Variants in MED1 observed in about 807,000 individuals in gnomAD.
The protein encoded by MED1 is mediator of RNA polymerase II transcription subunit 1.
In MED1, 17 loss-of-function variants were observed where a neutral mutation model predicts 121.3. The observed-to-expected ratio is 0.14, with a 90% CI of 0.10 to 0.21. The LOEUF (loss-of-function observed/expected upper bound fraction) is 0.21. Ranked by LOEUF, MED1 falls within the 10% of genes least tolerant of loss-of-function variation. MED1 has a pLI of 1.00. For synonymous variants in MED1, 661 were observed against 694.4 expected (o/e 0.95, Z 0.76); for missense variants, 1,558 against 1,919.4 (o/e 0.81, Z 3.52).
chr17:39,413,734 CAAAATA>C (rs1160668348), intron 16 of MED1, among the ~76,000 whole-genome samples: 1 of 150,316 alleles, frequency 6.7e-6, no homozygotes, highest in Non-Finnish European at 1.5e-5. Context: ...ACTCTTGTCT[CAAAATA>C]AAAAAATAAA....
rs1279580044 is a variant in MED1, at chr17:39,407,849, G to C, written c.4372C>G (p.Pro1458Ala). 1 of 1,614,000 alleles carries C rather than the reference G, an allele frequency of 6.2e-7. No homozygotes were observed. The highest frequency in any genetic ancestry group is 1.3e-5 in the African/African-American group (1 of 74,892). The change falls in exon 17 of 17, where the codon CCC becomes GCC. Residue 1458 changes from proline to alanine, a missense_variant. Physicochemically the swap from Pro to Ala is conservative, Grantham distance 27. Transcript: ENST00000300651. ...TCACTTTCACTGTCCAGATTCTGGG[G>C]GGTATATGCTGGTGACTTACTATGG... is the stretch of plus-strand genomic sequence containing the variant. ...PSHSKSPAYT[P>A]QNLDSESESG...
chr17:39,430,410 G>C (rs1178883005), intron 9 of MED1, among the ~76,000 whole-genome samples: 1 of 151,776 alleles, frequency 6.6e-6, no homozygotes, highest in East Asian at 1.9e-4. Context: ...AATAAAAATT[G>C]GCCAGGCGCA....
At chr17:39,411,677 T>C (rs1243239127) in intron 16 of MED1, among the ~76,000 whole-genome samples, 1 of 151,186 alleles carries the variant, frequency 6.6e-6, no homozygotes, top group Non-Finnish European at 1.5e-5. Flanking sequence ...ATTACAGGGA[T>C]ACATAATTTA....
intron 6 of MED1, among the ~76,000 whole-genome samples, chr17:39,435,163 G>C (rs1286885347): frequency 6.6e-6 from 1 of 152,034 alleles, no homozygotes; most frequent in Non-Finnish European, 1.5e-5. Context: ...GCAAGACTGT[G>C]TGTCAAAAAA....
At chr17:39,423,916 C>G in intron 11 of MED1, 95 bp from the exon 12 acceptor site, 2 of 1,381,618 alleles carry the variant, frequency 1.4e-6, no homozygotes, top group East Asian at 5.2e-5. Flanking sequence ...GATTTTCCCT[C>G]TTAATGCCCA....
rs181835943 is a variant in MED1 at position 39,446,658 on chromosome 17, C to T, written c.132+1140G>A. The stretch of plus-strand genomic sequence containing the variant: ...GCGTGGTGGCGTGTGCCTGTAGTCC[C>T]GGCTACTCGGGAGGCTGACGCAGGG... On this transcript the variant is annotated intron_variant, in intron 2 of 16. Transcript: ENST00000300651. 1.4e-3 allele frequency among the ~76,000 whole-genome samples: 211 copies of T among 151,460 alleles called. 1 individual carries two copies. The highest frequency in any genetic ancestry group is 6.9e-3 in the Middle Eastern group (2 of 290).
intron 6 of MED1, among the ~76,000 whole-genome samples, chr17:39,438,173 A>AT (rs71147331): frequency 0.06 from 8,446 of 140,386 alleles, 631 homozygotes; most frequent in African/African-American, 0.18. Context: ...CCTCGTCTCT[A>AT]TTTTTTTTTT....
intron 10 of MED1, among the ~76,000 whole-genome samples, chr17:39,425,690 T>G (rs2048508042): frequency 6.6e-6 from 1 of 151,750 alleles, no homozygotes; most frequent in Non-Finnish European, 1.5e-5. Flanking sequence ...TAATCCCAGC[T>G]ACTCAGGAGG....
At chr17:39,442,216 G>A (rs1179789070) in intron 3 of MED1, among the ~76,000 whole-genome samples, 2 of 151,870 alleles carry the variant, frequency 1.3e-5, no homozygotes, top group Non-Finnish European at 2.9e-5. Flanking sequence ...TTATAAGCAT[G>A]AATAATCAAG....
chr17:39,431,039 TA>T, intron 9 of MED1, 75 bp downstream of exon 9: 1 of 1,330,944 alleles, frequency 7.5e-7, no homozygotes, highest in East Asian at 2.3e-5. Flanking sequence ...ACAAACAAAC[TA>T]AAGGTGAAAT....
At chr17:39,421,341 A>AG (rs1354385855) in intron 13 of MED1, among the ~76,000 whole-genome samples, 1 of 151,346 alleles carries the variant, frequency 6.6e-6, no homozygotes, top group Non-Finnish European at 1.5e-5. Flanking sequence ...CTCAAGGTCA[A>AG]GAGATAAAGA....
In MED1 at chr17:39,408,699, A is replaced by G; in HGVS notation, c.3522T>C (p.Pro1174=). Residue 1174 remains proline, a synonymous_variant, in exon 17 of 17, where the codon CCT becomes CCC. Transcript: ENST00000300651. This position sits in a 1 kb window ranked among gnomAD's most constrained non-coding sequence, Gnocchi z 4.7. ...TCATAAGTGATGATGGCTTTCCTTG[A>G]GGTTTCATCTTGGTGCTGCTAGAGC... ...SSGSSSTKMK[P]QGKPSSLMNP... is the part of the protein sequence containing the mutation. 2 of 1,614,140 alleles carry G rather than the reference A, an allele frequency of 1.2e-6. No homozygotes were observed. The highest frequency in any genetic ancestry group is 1.7e-6 in the Non-Finnish European group (2 of 1,180,006).
At position 39,448,755 on chromosome 17, in the gene MED1, C is replaced by T. The variant is rs374934446; in HGVS notation, c.26-851G>A. 3.4e-4 allele frequency among the ~76,000 whole-genome samples: 51 copies of T among 151,920 alleles called. No homozygotes were observed. In the South Asian group the frequency reaches 0.01, roughly 30 times the overall value. On this transcript the variant is annotated intron_variant, in intron 1 of 16. Coordinates refer to ENST00000300651, the MANE Select transcript of MED1 (RefSeq NM_004774.4). ...AGAAACCCCATCTCTACTAAAAATA[C>T]AAAATTAGCCGGGCTTGGTGGTACA...
intron 1 of MED1, among the ~76,000 whole-genome samples, chr17:39,450,463 G>T (rs1004086688): frequency 6.6e-6 from 1 of 152,168 alleles, no homozygotes; most frequent in Non-Finnish European, 1.5e-5. Flanking sequence ...ACAGAACTAT[G>T]CCCAAAATGC....
At chr17:39,443,247 A>G (rs1053433948) in intron 3 of MED1, among the ~76,000 whole-genome samples, 2 of 151,484 alleles carry the variant, frequency 1.3e-5, no homozygotes, top group Non-Finnish European at 2.9e-5. Context: ...TGATCCGCCC[A>G]CCTCAGCCTC....
chr17:39,425,409 G>A (rs1487422362), intron 10 of MED1, among the ~76,000 whole-genome samples: 2 of 152,106 alleles, frequency 1.3e-5, no homozygotes, highest in Non-Finnish European at 2.9e-5. Context: ...GGCCAGGCTG[G>A]TCTCAAACTC....
At chr17:39,432,336 C>T (rs1389734940) in intron 7 of MED1, among the ~76,000 whole-genome samples, 5 of 65,426 alleles carry the variant, frequency 7.6e-5, no homozygotes, top group African/African-American at 2.9e-4. Flanking sequence ...GAACAAGATT[C>T]CATCTCAAAA....
In MED1 at chr17:39,447,911, T is replaced by A. The variant is rs1273382227; in HGVS notation, c.26-7A>T. On this transcript the variant is annotated splice_polypyrimidine_tract_variant and splice_region_variant and intron_variant, in intron 1 of 16. Coordinates refer to ENST00000300651, the MANE Select transcript of MED1 (RefSeq NM_004774.4). ...TTACTCAGCTTTTCTGACTCTATGATTTAAATCAGAAAACGTTATCAGTAA... is the reference window on the plus strand; with the variant it reads ...TTACTCAGCTTTTCTGACTCTATGAATTAAATCAGAAAACGTTATCAGTAA... The A allele has an allele frequency of 6.3e-7, 1 of 1,592,766 alleles. No individual in the cohort carries two copies. The highest frequency in any genetic ancestry group is 1.1e-5 in the South Asian group (1 of 89,864).
Position 39,423,775 on chromosome 17 carries a change from G to A in MED1, c.898C>T (p.Pro300Ser). The change falls in exon 12 of 17, where the codon CCT (proline) becomes TCT (serine). Residue 300 changes from proline to serine, a missense_variant. Physicochemically the swap from Pro to Ser is moderately conservative, Grantham distance 74 (BLOSUM62 -1). This residue lies in a region of MED1 where 443 missense variants were observed against 532.4 expected (regional missense o/e 0.83). Transcript: ENST00000300651. ...SITSANSVDL[P>S]ACFFLKFPQP... The stretch of plus-strand genomic sequence containing the variant: ...GGAAATTTCAAGAAGAAACAGGCAG[G>A]AAGATCAACACTGTTGGCACTGGTG... 6.2e-7 allele frequency: 1 copy of A among 1,613,920 alleles called. No individual in the cohort carries two copies. Among genetic ancestry groups the A allele is most frequent in the African/African-American group, 1.3e-5 (1 of 74,996 alleles).
Sources: gnomAD v4.1 joint callset for allele counts (sites outside exome capture counted in the v4.1 genomes callset) on GRCh38, gnomAD v4.1.1 for gene constraint, gnomAD v4.1.1 regional missense constraint, Gnocchi (gnomAD v3.1) non-coding constraint, MANE v1.5 for transcripts, NCBI Gene and HGNC (gene_info 2026-07-23, HGNC 2026-07-21) for gene names.